ETV6: variants seen among roughly 807,000 people sequenced by gnomAD.
ETV6 encodes ETS variant transcription factor 6, also known as transcription factor ETV6.
In ETV6, 16 loss-of-function variants were observed where a neutral mutation model predicts 51.1. The ratio of observed to expected loss-of-function variants is 0.31; its 90% CI spans 0.21 to 0.48. ETV6 has a LOEUF of 0.48. ETV6 is among the 20% of genes least tolerant of loss of function. ETV6 has a pLI of 0.99. For synonymous variants in ETV6, 240 were observed against 224.1 expected (o/e 1.07, Z -0.64); for missense variants, 458 against 594.8 (o/e 0.77, Z 2.39).
chr12:11,719,246 C>T (rs567559225), intron 1 of ETV6, among the ~76,000 whole-genome samples: 6 of 152,218 alleles, frequency 3.9e-5, no homozygotes, highest in African/African-American at 1.2e-4. Flanking sequence ...GAGGCACTGC[C>T]TGGAAATCTA....
chr12:11,695,483 A>G (rs1374095494), intron 1 of ETV6, among the ~76,000 whole-genome samples: 1 of 152,170 alleles, frequency 6.6e-6, no homozygotes, highest in Non-Finnish European at 1.5e-5. Flanking sequence ...TTGTATTACA[A>G]TCCCTTCCAG....
At position 11,732,826 on chromosome 12, in the gene ETV6, A is replaced by C. The variant is rs139516850; in HGVS notation, c.34-19624A>C. Among the ~76,000 whole-genome samples, 71 of 152,328 alleles carry C rather than the reference A, an allele frequency of 4.7e-4. No individual in the cohort carries two copies. In the East Asian group the frequency reaches 8.7e-3, roughly 19 times the overall value. ...ATTGCCCAATTCCAGCTCTGTAATC[A>C]TTATGTTAAATGATACAAGTTTCAA... is the stretch of plus-strand genomic sequence containing the variant. On this transcript the variant is annotated intron_variant, in intron 1 of 7. Coordinates refer to ENST00000396373, the MANE Select transcript of ETV6 (RefSeq NM_001987.5).
intron 1 of ETV6, among the ~76,000 whole-genome samples, chr12:11,690,668 C>T (rs182257903): frequency 5.9e-5 from 9 of 152,082 alleles, no homozygotes; most frequent in African/African-American, 1.9e-4. Context: ...GCAGGCAGAC[C>T]ACTTGAGGTG....
At chr12:11,738,106 T>C (rs1051586979) in intron 1 of ETV6, among the ~76,000 whole-genome samples, 1 of 151,978 alleles carries the variant, frequency 6.6e-6, no homozygotes, top group Admixed American at 6.5e-5. Context: ...ATTCTTCGTT[T>C]TAAGAAGGAT....
intron 2 of ETV6, among the ~76,000 whole-genome samples, chr12:11,801,434 A>G (rs1054176208): frequency 6.6e-6 from 1 of 152,218 alleles, no homozygotes; most frequent in African/African-American, 2.4e-5. Context: ...CACTATTTCT[A>G]TCACATTCTA....
chr12:11,752,650 A>T, intron 2 of ETV6, 71 bp downstream of exon 2: 1 of 1,537,718 alleles, frequency 6.5e-7, no homozygotes, highest in South Asian at 1.2e-5. Flanking sequence ...AGTGGGCTCC[A>T]GGCCAGAGAG....
At chr12:11,848,282 G>GA (rs1412268215) in intron 3 of ETV6, among the ~76,000 whole-genome samples, 1 of 152,156 alleles carries the variant, frequency 6.6e-6, no homozygotes, top group Non-Finnish European at 1.5e-5. Context: ...GCTCGGAGAA[G>GA]AAAAATAGCT....
chr12:11,772,096 T>C (rs1289610271), intron 2 of ETV6, among the ~76,000 whole-genome samples: 1 of 152,210 alleles, frequency 6.6e-6, no homozygotes, highest in African/African-American at 2.4e-5. Context: ...ATGATAATGT[T>C]GTGATCATGT....
intron 1 of ETV6, among the ~76,000 whole-genome samples, chr12:11,690,410 CT>C (rs1214795669): frequency 6.6e-6 from 1 of 151,928 alleles, no homozygotes; most frequent in East Asian, 1.9e-4. Context: ...TAGTCATAAT[CT>C]TTACTTCAAA....
At chr12:11,836,634 A>G (rs1946320449) in intron 2 of ETV6, among the ~76,000 whole-genome samples, 1 of 152,150 alleles carries the variant, frequency 6.6e-6, no homozygotes, top group Non-Finnish European at 1.5e-5. Context: ...AAGATTACTC[A>G]TGAGTATTTT....
chr12:11,765,191 T>C (rs1945145650), intron 2 of ETV6, among the ~76,000 whole-genome samples: 4 of 152,208 alleles, frequency 2.6e-5, no homozygotes, highest in Admixed American at 2.6e-4. Context: ...CAGATTTTAG[T>C]GAACTATATG....
intron 1 of ETV6, among the ~76,000 whole-genome samples, chr12:11,704,516 T>C (rs1348107511): frequency 6.6e-6 from 1 of 152,092 alleles, no homozygotes; most frequent in Non-Finnish European, 1.5e-5. Flanking sequence ...CCGGCTAATT[T>C]TTGTATTTTT....
chr12:11,886,577 A>G (rs146375024), intron 7 of ETV6, among the ~76,000 whole-genome samples: 1 of 152,272 alleles, frequency 6.6e-6, no homozygotes, highest in East Asian at 1.9e-4. Flanking sequence ...CCAGGTGTGT[A>G]TGTACGTGAT....
At chr12:11,652,669 A>G (rs1344426288) in intron 1 of ETV6, among the ~76,000 whole-genome samples, 2 of 152,200 alleles carry the variant, frequency 1.3e-5, no homozygotes, top group East Asian at 1.9e-4. Context: ...GCAGGCAGAC[A>G]GTTCCTCAGC....
At chr12:11,731,887 A>G (rs144550319) in intron 1 of ETV6, among the ~76,000 whole-genome samples, 183 of 152,292 alleles carry the variant, frequency 1.2e-3, no homozygotes, top group African/African-American at 4.3e-3. Context: ...ATGTGATCCT[A>G]CTGAAGGCAG....
chr12:11,652,280 C>T (rs536853852), intron 1 of ETV6, among the ~76,000 whole-genome samples: 1 of 152,176 alleles, frequency 6.6e-6, no homozygotes, highest in African/African-American at 2.4e-5. Context: ...AGTATCTTTC[C>T]ATGGAGTTTG....
At chr12:11,729,618 A>G (rs1209478424) in intron 1 of ETV6, among the ~76,000 whole-genome samples, 2 of 152,084 alleles carry the variant, frequency 1.3e-5, no homozygotes, top group South Asian at 2.1e-4. Context: ...CCTTGAAGCA[A>G]TCTCAGTTTG....
At chr12:11,761,371 C>T (rs1175464878) in intron 2 of ETV6, among the ~76,000 whole-genome samples, 1 of 152,128 alleles carries the variant, frequency 6.6e-6, no homozygotes, top group African/African-American at 2.4e-5. Context: ...GCCAGATAGT[C>T]TCAGGTATGT....
intron 1 of ETV6, among the ~76,000 whole-genome samples, chr12:11,747,704 A>G (rs984028055): frequency 6.6e-6 from 1 of 152,182 alleles, no homozygotes; most frequent in Non-Finnish European, 1.5e-5. Context: ...GACTTTCAAG[A>G]GTGTATTACT....
Sources: allele counts gnomAD v4.1 joint callset (sites outside exome capture counted in the v4.1 genomes callset), GRCh38; gene constraint gnomAD v4.1.1; transcripts MANE v1.5; gene names NCBI Gene and HGNC (gene_info 2026-07-23, HGNC 2026-07-21).